CTNNA3: variants seen among roughly 807,000 people sequenced by gnomAD.
CTNNA3 encodes catenin alpha 3.
In CTNNA3, 76 loss-of-function variants were observed where a neutral mutation model predicts 95.7. The ratio of observed to expected loss-of-function variants is 0.79; its 90% CI spans 0.66 to 0.96. CTNNA3 has a LOEUF of 0.96. Among genes scored for constraint, CTNNA3 ranks in the 40% least tolerant of loss-of-function variants. The probability of loss-of-function intolerance (pLI) is 0.00; values close to 1 mark genes in which losing one functional copy is unlikely to be tolerated. For synonymous variants in CTNNA3, 431 were observed against 374.4 expected (o/e 1.15, Z -1.74); for missense variants, 1,191 against 1,089.8 (o/e 1.09, Z -1.31).
At chr10:66,575,502 C>T (rs1271283271) in intron 10 of CTNNA3, among the ~76,000 whole-genome samples, 1 of 152,070 alleles carries the variant, frequency 6.6e-6, no homozygotes, top group Non-Finnish European at 1.5e-5. Context: ...GAGCCCTCAC[C>T]ATGTATCTGG....
At chr10:67,729,541 G>A (rs1841263183) in intron 1 of CTNNA3, among the ~76,000 whole-genome samples, 1 of 152,042 alleles carries the variant, frequency 6.6e-6, no homozygotes, top group Admixed American at 6.6e-5. Flanking sequence ...CAATAGGCAG[G>A]AAGGACATTA....
At chr10:66,478,271 T>C (rs1424481686) in intron 11 of CTNNA3, among the ~76,000 whole-genome samples, 2 of 152,080 alleles carry the variant, frequency 1.3e-5, no homozygotes, top group Non-Finnish European at 1.5e-5. Flanking sequence ...TGAGTGTCTA[T>C]TGGTAGTATG....
intron 13 of CTNNA3, among the ~76,000 whole-genome samples, chr10:66,239,985 A>G (rs957057529): frequency 4.6e-5 from 7 of 151,958 alleles, no homozygotes; most frequent in Non-Finnish European, 8.8e-5. Context: ...ATAGATATCT[A>G]TGGTATAGAT....
intron 5 of CTNNA3, among the ~76,000 whole-genome samples, chr10:67,496,596 A>G (rs1280754225): frequency 1.3e-5 from 2 of 152,222 alleles, no homozygotes; most frequent in African/African-American, 4.8e-5. Context: ...GAAGGATTTC[A>G]TATAGGTAAC....
At chr10:66,284,961 T>C (rs2091560239) in intron 12 of CTNNA3, among the ~76,000 whole-genome samples, 2 of 151,920 alleles carry the variant, frequency 1.3e-5, no homozygotes, top group Non-Finnish European at 2.9e-5. Flanking sequence ...ATGCTAATTA[T>C]TGTGGTTCAT....
chr10:66,578,909 A>G (rs1321891015), intron 10 of CTNNA3, among the ~76,000 whole-genome samples: 1 of 151,166 alleles, frequency 6.6e-6, no homozygotes, highest in Non-Finnish European at 1.5e-5. Context: ...CAGTAGGATT[A>G]GTACTAGCTG....
intron 1 of CTNNA3, among the ~76,000 whole-genome samples, chr10:67,742,728 A>G (rs892901254): frequency 1.3e-5 from 2 of 151,108 alleles, no homozygotes; most frequent in African/African-American, 4.8e-5. Context: ...TTTTTTGAAA[A>G]GATCAACAAA....
intron 11 of CTNNA3, among the ~76,000 whole-genome samples, chr10:66,424,609 G>C (rs2093223459): frequency 6.6e-6 from 1 of 151,886 alleles, no homozygotes; most frequent in Non-Finnish European, 1.5e-5. Flanking sequence ...TTTTATTGCT[G>C]ATATCTAATT....
chr10:66,034,309 G>T (rs565555655), intron 15 of CTNNA3, among the ~76,000 whole-genome samples: 2 of 152,212 alleles, frequency 1.3e-5, no homozygotes, highest in South Asian at 4.1e-4. Flanking sequence ...AGTAGAGACT[G>T]ACTGATACTG....
intron 11 of CTNNA3, among the ~76,000 whole-genome samples, chr10:66,434,960 T>G (rs1215860325): frequency 6.6e-6 from 1 of 152,064 alleles, no homozygotes; most frequent in African/African-American, 2.4e-5. Flanking sequence ...ATTGATTTGC[T>G]TATGTTGAAC....
intron 7 of CTNNA3, among the ~76,000 whole-genome samples, chr10:66,871,559 T>C (rs1844406104): frequency 1.7e-5 from 1 of 59,356 alleles, no homozygotes; most frequent in South Asian, 1.0e-3. Flanking sequence ...TGAAACTCTG[T>C]CTCAAAAAAA....
At chr10:66,286,946 T>TA (rs1423720812) in intron 12 of CTNNA3, among the ~76,000 whole-genome samples, 48 of 152,204 alleles carry the variant, frequency 3.2e-4, no homozygotes, top group African/African-American at 1.1e-3. Context: ...TATTGATACA[T>TA]AATAGATGTA....
At chr10:67,693,278 A>C (rs1840903870) in intron 1 of CTNNA3, among the ~76,000 whole-genome samples, 1 of 152,196 alleles carries the variant, frequency 6.6e-6, no homozygotes, top group Non-Finnish European at 1.5e-5. Context: ...TTAGATTTGC[A>C]ACTTTGCTAA....
intron 6 of CTNNA3, among the ~76,000 whole-genome samples, chr10:67,216,562 T>C (rs1864372424): frequency 6.6e-6 from 1 of 152,198 alleles, no homozygotes; most frequent in Non-Finnish European, 1.5e-5. Flanking sequence ...ACCTAGCACT[T>C]ACTACATTTA....
At chr10:66,830,611 T>TTG (rs1017986053) in intron 7 of CTNNA3, among the ~76,000 whole-genome samples, 4 of 151,916 alleles carry the variant, frequency 2.6e-5, no homozygotes, top group South Asian at 2.1e-4. Flanking sequence ...CTCTTTTTTT[T>TTG]TTTGTTTTTC....
At chr10:66,152,148 C>A (rs2084236029) in intron 13 of CTNNA3, among the ~76,000 whole-genome samples, 2 of 151,860 alleles carry the variant, frequency 1.3e-5, no homozygotes, top group South Asian at 4.1e-4. Context: ...AAGTACCATT[C>A]AAAAACATTC....
intron 13 of CTNNA3, among the ~76,000 whole-genome samples, chr10:66,245,815 C>A (rs1228602147): frequency 6.6e-6 from 1 of 152,234 alleles, no homozygotes; most frequent in Non-Finnish European, 1.5e-5. Flanking sequence ...CAGCTCCTCT[C>A]AGGTTCTGGT....
intron 3 of CTNNA3, among the ~76,000 whole-genome samples, chr10:67,579,947 G>C (rs1842321387): frequency 6.6e-6 from 1 of 152,246 alleles, no homozygotes; most frequent in South Asian, 2.1e-4. Context: ...ATCGATTCTG[G>C]ATATTAGCCC....
At chr10:67,059,882 T>G (rs1236479175) in intron 7 of CTNNA3, among the ~76,000 whole-genome samples, 1 of 152,162 alleles carries the variant, frequency 6.6e-6, no homozygotes, top group Non-Finnish European at 1.5e-5. Context: ...GCAATGAAGA[T>G]ATGTAAATAT....
Sources: allele counts gnomAD v4.1 joint callset (sites outside exome capture counted in the v4.1 genomes callset), GRCh38; gene constraint gnomAD v4.1.1; transcripts MANE v1.5; gene names NCBI Gene and HGNC (gene_info 2026-07-23, HGNC 2026-07-21).